The following FMN2 variants were observed in gnomAD, a reference collection of about 807,000 sequenced individuals.
FMN2 encodes formin 2.
Under a neutral mutation model 142.3 loss-of-function variants are expected in FMN2, and 51 were observed. The observed-to-expected ratio is 0.36, with a 90% CI of 0.29 to 0.45. The LOEUF (loss-of-function observed/expected upper bound fraction) is 0.45. Among genes scored for constraint, FMN2 ranks in the 20% least tolerant of loss-of-function variants. The probability of loss-of-function intolerance (pLI) is 1.00; values close to 1 mark genes in which losing one functional copy is unlikely to be tolerated. For missense variants in FMN2, 1,936 were observed against 2,122.8 expected (o/e 0.91, Z 1.73); for synonymous variants, 882 against 869.8 (o/e 1.01, Z -0.25).
rs1401898996 is a variant in FMN2, at chr1:240,137,196, G to A, written c.1782+13851G>A. Reference sequence around the variant, plus strand: ...GTTTCTTGTTTTTTGTTTTTTTTTAGGTCCTCCCAATTTGTACTGGACTTT... The same window carrying A: ...GTTTCTTGTTTTTTGTTTTTTTTTAAGTCCTCCCAATTTGTACTGGACTTT... On this transcript the variant is annotated intron_variant, in intron 2 of 17. Transcript: ENST00000319653. Among the ~76,000 whole-genome samples the A allele has an allele frequency of 2.7e-5, 4 of 150,754 alleles. No individual in the cohort carries two copies. The South Asian group carries it at 8.4e-4, about 32-fold the overall frequency.
At chr1:240,186,265 C>A (rs1665444924) in intron 3 of FMN2, among the ~76,000 whole-genome samples, 1 of 152,200 alleles carries the variant, frequency 6.6e-6, no homozygotes, top group African/African-American at 2.4e-5. Flanking sequence ...GTGGAACCCA[C>A]TTTCATGTTC....
chr1:240,156,199 A>C (rs978162727), intron 2 of FMN2, among the ~76,000 whole-genome samples: 2 of 152,146 alleles, frequency 1.3e-5, no homozygotes, highest in Non-Finnish European at 2.9e-5. Flanking sequence ...GAAGTGTGCT[A>C]TGATTGCACC....
intron 5 of FMN2, among the ~76,000 whole-genome samples, chr1:240,210,827 A>G (rs1365903705): frequency 6.6e-6 from 1 of 152,192 alleles, no homozygotes. Flanking sequence ...ACATTTTTAT[A>G]CAGTGGCCTG....
At chr1:240,178,709 C>T (rs1007293782) in intron 3 of FMN2, among the ~76,000 whole-genome samples, 4 of 152,080 alleles carry the variant, frequency 2.6e-5, no homozygotes, top group Non-Finnish European at 2.9e-5. Flanking sequence ...GCTGGAATTA[C>T]AGGCATGAGC....
intron 2 of FMN2, among the ~76,000 whole-genome samples, chr1:240,150,962 G>A (rs1663743894): frequency 6.6e-6 from 1 of 152,160 alleles, no homozygotes; most frequent in Non-Finnish European, 1.5e-5. Flanking sequence ...GGTTTTCACA[G>A]TAACCTTCCC....
intron 16 of FMN2, among the ~76,000 whole-genome samples, chr1:240,442,616 T>C (rs1675662218): frequency 6.6e-6 from 1 of 152,222 alleles, no homozygotes; most frequent in African/African-American, 2.4e-5. Context: ...TTCCTTGGAA[T>C]AGTTTGGTGT....
Position 240,092,470 on chromosome 1 carries a change from C to G in FMN2, c.361C>G (p.Leu121Val). The change falls in exon 1 of 18, where the codon CTC becomes GTC. Residue 121 changes from leucine to valine, a missense_variant. This residue lies in a region of FMN2 where 751 missense variants were observed against 791.8 expected (regional missense o/e 0.95). Transcript: ENST00000319653. Reference sequence around the variant, plus strand: ...CTCCCTGCTCACCAAGACTCCAGACCTCAGCCTCTCGGCGGACGAGGCCGG... The same window carrying G: ...CTCCCTGCTCACCAAGACTCCAGACGTCAGCCTCTCGGCGGACGAGGCCGG... ...AHSLLTKTPD[L>V]SLSADEAGLS... 1.2e-6 allele frequency: 2 copies of G among 1,609,172 alleles called. No individual in the cohort carries two copies. The highest frequency in any genetic ancestry group is 1.7e-6 in the Non-Finnish European group (2 of 1,177,912).
chr1:240,189,536 T>C (rs1473958726), intron 4 of FMN2, among the ~76,000 whole-genome samples: 2 of 152,232 alleles, frequency 1.3e-5, no homozygotes, highest in African/African-American at 4.8e-5. Flanking sequence ...AATCCCTGTG[T>C]TATACATGAA....
At chr1:240,187,102 C>CA (rs35262264) in intron 3 of FMN2, among the ~76,000 whole-genome samples, 24,731 of 117,262 alleles carry the variant, frequency 0.21, 2,589 homozygotes, top group Middle Eastern at 0.33. Flanking sequence ...CCGTCTGTAC[C>CA]AAAAAAAAAA....
rs1056586324 is a variant in FMN2 at position 240,121,696 on chromosome 1, T to G, written c.1616-1483T>G. On this transcript the variant is annotated intron_variant, in intron 1 of 17. Transcript: ENST00000319653. ...GAGCCACCGCGCCTGGCCCAGTGTC[T>G]TCTTATTATGCCTCTCTTGCCTTTT... 7.1e-5 allele frequency among the ~76,000 whole-genome samples: 10 copies of G among 139,908 alleles called. 1 individual carries two copies. The South Asian group carries it at 2.3e-3, about 32-fold the overall frequency. 91.8% of individuals were successfully genotyped at this position (139,908 alleles called of 152,430 possible).
chr1:240,461,013 T>G (rs1365869427), intron 16 of FMN2, among the ~76,000 whole-genome samples: 2 of 152,168 alleles, frequency 1.3e-5, no homozygotes, highest in African/African-American at 4.8e-5. Context: ...GAGCCACTGT[T>G]CTGGGTCTCA....
At chr1:240,182,919 CTTTTTTTTTT>C (rs66527453) in intron 3 of FMN2, among the ~76,000 whole-genome samples, 1 of 138,352 alleles carries the variant, frequency 7.2e-6, no homozygotes, top group Admixed American at 7.3e-5. Flanking sequence ...CTTTTCTTTT[CTTTTTTTTTT>C]TTTTTGAGAC....
intron 13 of FMN2, among the ~76,000 whole-genome samples, chr1:240,340,163 A>C (rs1188442930): frequency 6.6e-6 from 1 of 152,176 alleles, no homozygotes; most frequent in Non-Finnish European, 1.5e-5. Flanking sequence ...ACTGCTGTTT[A>C]ATAATTATTA....
chr1:240,223,107 T>C (rs1015086017), intron 6 of FMN2, among the ~76,000 whole-genome samples: 2 of 152,212 alleles, frequency 1.3e-5, no homozygotes, highest in Non-Finnish European at 2.9e-5. Flanking sequence ...TTCAGTATGA[T>C]ATTGGCTGTG....
chr1:240,468,976 C>CA (rs1239876502), intron 16 of FMN2, among the ~76,000 whole-genome samples: 1 of 152,118 alleles, frequency 6.6e-6, no homozygotes, highest in Non-Finnish European at 1.5e-5. Flanking sequence ...GTCTTGTTGT[C>CA]AGAGTTTTGT....
intron 16 of FMN2, among the ~76,000 whole-genome samples, chr1:240,462,456 C>T (rs934087237): frequency 1.3e-5 from 2 of 152,116 alleles, no homozygotes; most frequent in African/African-American, 2.4e-5. Context: ...CCAATAAAAT[C>T]CTTAGTAGTT....
At chr1:240,306,363 A>T (rs776035061) in intron 8 of FMN2, among the ~76,000 whole-genome samples, 1 of 152,196 alleles carries the variant, frequency 6.6e-6, no homozygotes, top group Admixed American at 6.5e-5. Flanking sequence ...GGCTTCCGTT[A>T]ATCCCATAAC....
intron 15 of FMN2, among the ~76,000 whole-genome samples, chr1:240,427,364 C>T (rs1226399009): frequency 6.6e-6 from 1 of 151,924 alleles, no homozygotes; most frequent in Non-Finnish European, 1.5e-5. Context: ...CGCCACCGCG[C>T]CCAGCTAATT....
At chr1:240,277,525 CTTTTTTTT>C (rs34678861) in intron 7 of FMN2, among the ~76,000 whole-genome samples, 1 of 66,148 alleles carries the variant, frequency 1.5e-5, no homozygotes, top group Non-Finnish European at 2.6e-5. Context: ...GCATCTTCTT[CTTTTTTTT>C]TTTTTTTTTT....
Sources: gnomAD v4.1 joint callset for allele counts (sites outside exome capture counted in the v4.1 genomes callset) on GRCh38, gnomAD v4.1.1 for gene constraint, gnomAD v4.1.1 regional missense constraint, MANE v1.5 for transcripts, NCBI Gene and HGNC (gene_info 2026-07-23, HGNC 2026-07-21) for gene names.